Variants in ATAD2B observed in about 807,000 individuals in gnomAD.
ATAD2B encodes the protein ATPase family AAA domain-containing protein 2B.
Under a neutral mutation model 167.6 loss-of-function variants are expected in ATAD2B, and 40 were observed. The observed-to-expected ratio is 0.24, with a 90% CI of 0.19 to 0.31. The LOEUF (loss-of-function observed/expected upper bound fraction) is 0.31. Ranked by LOEUF, ATAD2B falls within the 10% of genes least tolerant of loss-of-function variation. The pLI, the probability that ATAD2B is intolerant of heterozygous loss-of-function variation, is 1.00. For missense variants in ATAD2B, 1,242 were observed against 1,757.2 expected (o/e 0.71, Z 5.24); for synonymous variants, 579 against 596.5 (o/e 0.97, Z 0.43).
chr2:23,877,255 C>T (rs1040667162), intron 7 of ATAD2B, among the ~76,000 whole-genome samples: 9 of 151,558 alleles, frequency 5.9e-5, no homozygotes, highest in African/African-American at 2.2e-4. Flanking sequence ...TAGTTTGAGG[C>T]GCAGTGGATC....
chr2:23,789,078 G>A (rs1411687673), intron 19 of ATAD2B, among the ~76,000 whole-genome samples: 1 of 150,966 alleles, frequency 6.6e-6, no homozygotes, highest in African/African-American at 2.4e-5. Context: ...TTCCCTTACT[G>A]TGCTCTTTCC....
At chr2:23,818,387 AT>A (rs1686924940) in intron 17 of ATAD2B, among the ~76,000 whole-genome samples, 1 of 111,434 alleles carries the variant, frequency 9.0e-6, no homozygotes, top group Admixed American at 9.1e-5. Flanking sequence ...AAAAAAAAAA[AT>A]TGGCTTTCCC....
At chr2:23,811,470 T>G (rs1685579222) in intron 17 of ATAD2B, 1 of 152,260 alleles carries the variant, frequency 6.6e-6, no homozygotes, top group African/African-American at 2.4e-5. Context: ...GCCTTCATCT[T>G]AGACTTTCAG....
At chr2:23,803,801 C>T (rs936859654) in intron 18 of ATAD2B, among the ~76,000 whole-genome samples, 12 of 152,178 alleles carry the variant, frequency 7.9e-5, no homozygotes, top group African/African-American at 2.9e-4. Context: ...CACCTTACCA[C>T]GCATATACAT....
chr2:23,805,091 C>T (rs1476265990), intron 18 of ATAD2B, among the ~76,000 whole-genome samples: 2 of 149,920 alleles, frequency 1.3e-5, no homozygotes, highest in African/African-American at 4.9e-5. Context: ...TGCAATGAGC[C>T]GAGATCACGC....
the ATAD2B span, among the ~76,000 whole-genome samples, chr2:23,735,578 A>C: frequency 6.6e-6 from 1 of 152,266 alleles, no homozygotes; most frequent in Non-Finnish European, 1.5e-5. Context: ...GAGGAGAAGA[A>C]AAGGACTAGC....
intron 13 of ATAD2B, 61 bp downstream of exon 13, chr2:23,857,354 G>A: frequency 1.1e-6 from 1 of 921,836 alleles, no homozygotes; most frequent in Non-Finnish European, 1.6e-6. Context: ...TAAGGGCTAA[G>A]GCTAACTACC....
chr2:23,796,841 T>C (rs1029859430), intron 19 of ATAD2B, among the ~76,000 whole-genome samples: 4 of 152,146 alleles, frequency 2.6e-5, no homozygotes, highest in South Asian at 2.1e-4. Context: ...TATCCACATG[T>C]TATAGATGAA....
chr2:23,757,422 T>C lies in ATAD2B; in HGVS notation c.4074A>G (p.Lys1358=), dbSNP rs768035933. 1 of 1,481,160 alleles carries C rather than the reference T, an allele frequency of 6.8e-7. No homozygotes were observed. Among genetic ancestry groups the C allele is most frequent in the Non-Finnish European group, 8.9e-7 (1 of 1,118,608 alleles). The allele number at this position is 1,481,160 out of a possible 1,614,324, so 91.8% of individuals were successfully genotyped here. A position where few individuals can be genotyped will look rare whatever the true frequency, so the allele number is the denominator to read the frequency against. The part of the protein sequence containing the change: ...DVEVKDAELD[K]EGASKVKKYR... ...TTTTTCAAATATTAGCTCTACCTTC[T>C]TTATCCAGTTCTGCATCTTTAACCT... is the stretch of plus-strand genomic sequence containing the variant. Residue 1358 remains lysine (K), a synonymous_variant, in exon 25 of 28, where the codon AAA becomes AAG. Coordinates refer to ENST00000238789, the MANE Select transcript of ATAD2B (RefSeq NM_017552.4).
In ATAD2B at chr2:23,752,000, C is replaced by A; in HGVS notation, c.*46G>T. 1 of 1,449,214 alleles carries A rather than the reference C, an allele frequency of 6.9e-7. No homozygotes were observed. The highest frequency in any genetic ancestry group is 1.7e-4 in the Middle Eastern group (1 of 5,762). 89.8% of individuals were successfully genotyped at this position (1,449,214 alleles called of 1,614,324 possible). ...AAATTGAATGGCTCAGAAGACTGCT[C>A]TGTGAGGAGCAGATTGGAGAGGATA... On this transcript the variant is annotated 3_prime_UTR_variant, in exon 28 of 28. Coordinates refer to ENST00000238789, the MANE Select transcript of ATAD2B (RefSeq NM_017552.4).
At chr2:23,770,155 C>CA (rs112669537) in intron 22 of ATAD2B, among the ~76,000 whole-genome samples, 217 of 138,798 alleles carry the variant, frequency 1.6e-3, no homozygotes, top group African/African-American at 2.2e-3. Context: ...ACTAAAAATA[C>CA]AAAAAAAAAA....
the ATAD2B span, among the ~76,000 whole-genome samples, chr2:23,719,481 A>G: frequency 6.6e-6 from 1 of 152,146 alleles, no homozygotes; most frequent in Non-Finnish European, 1.5e-5. Flanking sequence ...CAGAAAACCA[A>G]AAACAAATAT....
downstream of ATAD2B, among the ~76,000 whole-genome samples, chr2:23,745,721 G>A (rs1467921251): frequency 1.3e-5 from 2 of 152,104 alleles, no homozygotes; most frequent in Non-Finnish European, 2.9e-5. Context: ...ATAATACCTG[G>A]CACTCAGTTG....
intron 7 of ATAD2B, among the ~76,000 whole-genome samples, chr2:23,880,316 G>C (rs1301917922): frequency 1.3e-5 from 2 of 152,142 alleles, no homozygotes; most frequent in Admixed American, 1.3e-4. Flanking sequence ...ATAAGAGATT[G>C]CCTTCTTTTA....
chr2:23,704,983 G>A, the ATAD2B span, among the ~76,000 whole-genome samples: 1 of 152,224 alleles, frequency 6.6e-6, no homozygotes, highest in African/African-American at 2.4e-5. Context: ...TCACCTCTCT[G>A]AGGAAGTTCT....
chr2:23,896,164 A>AC (rs1453534904), intron 1 of ATAD2B, among the ~76,000 whole-genome samples, 194 bp from the exon 2 acceptor site: 1 of 151,532 alleles, frequency 6.6e-6, no homozygotes, highest in African/African-American at 2.4e-5. Context: ...AAAAAAAAAA[A>AC]AAAAAAATTA....
At chr2:23,752,371 G>A (rs1210798699) in intron 27 of ATAD2B, among the ~76,000 whole-genome samples, 2 of 151,420 alleles carry the variant, frequency 1.3e-5, no homozygotes, top group Middle Eastern at 6.3e-3. Flanking sequence ...TATGATATGA[G>A]TAATATGAAT....
intron 1 of ATAD2B, among the ~76,000 whole-genome samples, chr2:23,924,629 G>A (rs1009516298): frequency 2.3e-4 from 35 of 152,206 alleles, no homozygotes; most frequent in Admixed American, 9.8e-4. Context: ...TCCTAGAGCC[G>A]AACATAAATC....
chr2:23,789,116 T>C (rs2712093), intron 19 of ATAD2B, among the ~76,000 whole-genome samples: 5,878 of 152,184 alleles, frequency 0.039, 108 homozygotes, highest in South Asian at 0.046. Context: ...CTGTAATCTC[T>C]GGAATCCTGG....
Sources: gnomAD v4.1 joint callset for allele counts (sites outside exome capture counted in the v4.1 genomes callset) on GRCh38, gnomAD v4.1.1 for gene constraint, MANE v1.5 for transcripts, NCBI Gene and HGNC (gene_info 2026-07-23, HGNC 2026-07-21) for gene names.